ANK2: variants seen among roughly 807,000 people sequenced by gnomAD.
The protein encoded by ANK2 is ankyrin 2, also known as ankyrin-2.
In ANK2, 83 loss-of-function variants were observed where a neutral mutation model predicts 360.5. The ratio of observed to expected loss-of-function variants is 0.23; its 90% CI spans 0.19 to 0.28. ANK2 has a LOEUF of 0.28. ANK2 is among the 10% of genes least tolerant of loss of function. The pLI, the probability that ANK2 is intolerant of heterozygous loss-of-function variation, is 1.00. For missense variants in ANK2, 4,201 were observed against 4,795.7 expected (o/e 0.88, Z 3.66); for synonymous variants, 1,740 against 1,759.5 (o/e 0.99, Z 0.28).
chr4:113,191,489 A>G (rs1413126149), intron 2 of ANK2, among the ~76,000 whole-genome samples: 1 of 152,214 alleles, frequency 6.6e-6, no homozygotes, highest in Non-Finnish European at 1.5e-5. Flanking sequence ...GTAATTCAAA[A>G]TACTTAAAAA....
intron 1 of ANK2, among the ~76,000 whole-genome samples, chr4:113,053,950 G>C (rs1477732134): frequency 6.6e-6 from 1 of 152,058 alleles, no homozygotes; most frequent in Non-Finnish European, 1.5e-5. Context: ...CCATATTTTT[G>C]TGTGCAGCTC....
chr4:113,010,333 AAG>A (rs1167370612), intron 2 of ANK2, among the ~76,000 whole-genome samples: 1 of 152,206 alleles, frequency 6.6e-6, no homozygotes, highest in Non-Finnish European at 1.5e-5. Flanking sequence ...CAAATGAAAA[AAG>A]AGTTACCTCT....
rs1554340373 is a variant in ANK2 at position 113,250,764 on chromosome 4, C to CG, written c.990+902_990+903insG. Reference sequence around the variant, plus strand: ...TCCACCTCATACCACCGCCCCCCCCCCCGACAGAGTTGGTATCAACTAATG... The same window carrying CG: ...TCCACCTCATACCACCGCCCCCCCCCGCCGACAGAGTTGGTATCAACTAATG... On this transcript the variant is annotated intron_variant, in intron 10 of 45. Transcript: ENST00000357077. Among the ~76,000 whole-genome samples the CG allele has an allele frequency of 5.7e-5, 8 of 139,710 alleles. 1 individual carries two copies. Among genetic ancestry groups the CG allele is most frequent in the African/African-American group, 1.5e-4 (6 of 38,910 alleles). 91.7% of individuals were successfully genotyped at this position (139,710 alleles called of 152,430 possible). A position where few individuals can be genotyped will look rare whatever the true frequency, so the allele number is the denominator to read the frequency against.
At chr4:113,350,405 G>C (rs1588827013) in intron 37 of ANK2, 156 bp downstream of exon 37, 1 of 622,906 alleles carries the variant, frequency 1.6e-6, no homozygotes. Flanking sequence ...AAAGCAGCTT[G>C]GCCAGTTAAA....
chr4:112,788,289 A>G, the ANK2 span: 46 of 1,575,088 alleles, frequency 2.9e-5, no homozygotes, highest in African/African-American at 5.4e-4. Flanking sequence ...ACAGTGGTGC[A>G]GGTCTTCCTG....
At chr4:113,258,578 G>T (rs1252394471) in intron 13 of ANK2, among the ~76,000 whole-genome samples, 167 bp downstream of exon 13, 1 of 152,182 alleles carries the variant, frequency 6.6e-6, no homozygotes, top group Non-Finnish European at 1.5e-5. Flanking sequence ...GAACTTCACT[G>T]AAAAGAACCT....
intron 4 of ANK2, among the ~76,000 whole-genome samples, chr4:113,209,825 C>T (rs1249679813): frequency 6.6e-6 from 1 of 150,466 alleles, no homozygotes. Context: ...GGAAGAGAAG[C>T]TTTGTTTAAA....
chr4:113,269,980 G>C (rs2057900169), intron 14 of ANK2, among the ~76,000 whole-genome samples: 1 of 151,948 alleles, frequency 6.6e-6, no homozygotes, highest in Admixed American at 6.6e-5. Flanking sequence ...ATGTTCTTTG[G>C]TAATCATCAT....
intron 1 of ANK2, among the ~76,000 whole-genome samples, chr4:113,080,468 T>G (rs2081960897): frequency 6.6e-6 from 1 of 152,184 alleles, no homozygotes; most frequent in Non-Finnish European, 1.5e-5. Context: ...TAGAAGGTTT[T>G]AAAACTCAGA....
intron 45 of ANK2, 101 bp downstream of exon 45, chr4:113,373,550 C>A: frequency 7.7e-7 from 1 of 1,300,622 alleles, no homozygotes; most frequent in South Asian, 1.2e-5. Flanking sequence ...CCTCACTTCT[C>A]CCTTTCATGT....
At chr4:112,903,587 A>G (rs2084188056) in intron 1 of ANK2, among the ~76,000 whole-genome samples, 1 of 152,230 alleles carries the variant, frequency 6.6e-6, no homozygotes, top group South Asian at 2.1e-4. Context: ...TGGCTTAATG[A>G]TACCAGAGGT....
chr4:112,782,473 CCAGG>C, the ANK2 span, among the ~76,000 whole-genome samples: 4 of 152,122 alleles, frequency 2.6e-5, no homozygotes, highest in Non-Finnish European at 4.4e-5. Context: ...TACCTATGTG[CCAGG>C]CACTCTTTAA....
intron 1 of ANK2, among the ~76,000 whole-genome samples, chr4:112,843,977 G>C (rs1217579099): frequency 6.6e-6 from 1 of 152,000 alleles, no homozygotes; most frequent in Non-Finnish European, 1.5e-5. Flanking sequence ...TAAGTATTTA[G>C]AATAATATTA....
At chr4:113,146,188 G>A (rs940938004) in intron 1 of ANK2, among the ~76,000 whole-genome samples, 2 of 152,142 alleles carry the variant, frequency 1.3e-5, no homozygotes, top group African/African-American at 4.8e-5. Flanking sequence ...GTTATGCAAT[G>A]CCACATGTTT....
intron 2 of ANK2, among the ~76,000 whole-genome samples, chr4:112,912,105 A>G (rs2087756358): frequency 6.6e-6 from 1 of 151,176 alleles, no homozygotes; most frequent in South Asian, 2.1e-4. Flanking sequence ...TGGACCCCGG[A>G]GGTGGAGTTT....
At chr4:112,947,567 G>A (rs183070203) in intron 2 of ANK2, among the ~76,000 whole-genome samples, 8 of 152,196 alleles carry the variant, frequency 5.3e-5, no homozygotes, top group African/African-American at 1.9e-4. Context: ...ATAAGTGGGT[G>A]CAGTTTCTAG....
chr4:112,964,548 TG>T (rs1014555218), intron 2 of ANK2, among the ~76,000 whole-genome samples: 6 of 151,924 alleles, frequency 3.9e-5, no homozygotes, highest in African/African-American at 1.2e-4. Flanking sequence ...TTTTTGTATA[TG>T]TACCACATTT....
chr4:113,106,093 G>A (rs1295370610), intron 1 of ANK2, among the ~76,000 whole-genome samples: 2 of 152,096 alleles, frequency 1.3e-5, no homozygotes, highest in South Asian at 4.1e-4. Context: ...ACTATTATAT[G>A]GTATGGCTTG....
intron 2 of ANK2, among the ~76,000 whole-genome samples, chr4:113,003,496 T>C (rs6810920): frequency 0.78 from 118,166 of 152,094 alleles, 46,011 homozygotes; most frequent in South Asian, 0.87. Flanking sequence ...CGAATATTAT[T>C]AAATACTATA....
Sources: allele counts gnomAD v4.1 joint callset (sites outside exome capture counted in the v4.1 genomes callset), GRCh38; gene constraint gnomAD v4.1.1; transcripts MANE v1.5; gene names NCBI Gene and HGNC (gene_info 2026-07-23, HGNC 2026-07-21).